Variants in PREPL observed in about 807,000 individuals in gnomAD.
PREPL encodes the protein prolyl endopeptidase like, also known as prolyl endopeptidase-like.
Under a neutral mutation model 70.6 loss-of-function variants are expected in PREPL, and 77 were observed. The observed-to-expected ratio is 1.09, with a 90% CI of 0.91 to 1.32. The LOEUF (loss-of-function observed/expected upper bound fraction) is 1.32. Among genes scored for constraint, PREPL ranks in the 40% most tolerant of loss-of-function variants. PREPL has a pLI of 0.00. For synonymous variants in PREPL, 315 were observed against 264.8 expected, an observed-to-expected ratio of 1.19 and a Z score of -1.84; for missense variants, 1,002 against 778.2, an observed-to-expected ratio of 1.29 and a Z score of -3.42.
chr2:44,327,009 G>A lies in PREPL; in HGVS notation c.1263-81C>T, dbSNP rs977407671. The A allele has an allele frequency of 2.4e-6, 3 of 1,224,534 alleles. No homozygotes were observed. In the African/African-American group the frequency reaches 4.5e-5, roughly 19 times the overall value. The allele number at this position is 1,224,534 out of a possible 1,614,324, so 75.9% of individuals were successfully genotyped here. A position where few individuals can be genotyped will look rare whatever the true frequency, so the allele number is the denominator to read the frequency against. ...TGGGGTCAGCGAACTACACCTGGAG[G>A]CCTGTTTTTTGTGTGGCCCTGGAGC... On this transcript the variant is annotated intron_variant, in intron 9 of 13. Coordinates refer to ENST00000409411, the MANE Select transcript of PREPL (RefSeq NM_001171613.2).
At chr2:44,346,735 G>A (rs1359619280) in intron 1 of PREPL, among the ~76,000 whole-genome samples, 1 of 151,900 alleles carries the variant, frequency 6.6e-6, no homozygotes, top group Non-Finnish European at 1.5e-5. Flanking sequence ...AAAATTCCAT[G>A]AACTTTTACA....
chr2:44,327,364 G>A (rs989062944), intron 9 of PREPL, among the ~76,000 whole-genome samples: 1 of 152,172 alleles, frequency 6.6e-6, no homozygotes, highest in South Asian at 2.1e-4. Flanking sequence ...AGGTATTACA[G>A]GAGCAGAGGA....
At chr2:44,330,641 G>GA (rs1300236988) in intron 8 of PREPL, among the ~76,000 whole-genome samples, 2 of 152,034 alleles carry the variant, frequency 1.3e-5, no homozygotes, top group Non-Finnish European at 2.9e-5. Context: ...GATTGTCAGA[G>GA]AAAAATAAAT....
Position 44,320,629 on chromosome 2 carries a change from C to A in PREPL, c.*727G>T. 1 of 1,613,404 alleles carries A rather than the reference C, an allele frequency of 6.2e-7. No homozygotes were observed. The highest frequency in any genetic ancestry group is 8.5e-7 in the Non-Finnish European group (1 of 1,179,454). ...TCCAGTGTACTGAACATACTGTATA[C>A]CTCGTGTTAGGCACCTTTATGAAGA... On this transcript the variant is annotated 3_prime_UTR_variant, in exon 14 of 14. Transcript: ENST00000409411.
rs936625485 is a variant in PREPL, at chr2:44,336,683, TA to T, written c.888+1667del. 7.3e-5 allele frequency among the ~76,000 whole-genome samples: 11 copies of T among 150,682 alleles called. No homozygotes were observed. The East Asian group carries it at 1.4e-3, about 19-fold the overall frequency. ...CACATGTACCCCTGAAAGTAAAAGT[TA>T]AAAAAAAAGAAATGCTATCTAAAAT... is the stretch of plus-strand genomic sequence containing the variant. On this transcript the variant is annotated intron_variant, in intron 7 of 13. Coordinates refer to ENST00000409411, the MANE Select transcript of PREPL (RefSeq NM_001171613.2).
At chr2:44,338,883 A>G (rs1674918165) in intron 6 of PREPL, among the ~76,000 whole-genome samples, 1 of 152,208 alleles carries the variant, frequency 6.6e-6, no homozygotes, top group Non-Finnish European at 1.5e-5. Context: ...TAAAATCACG[A>G]GTTTGTAAGT....
In PREPL at chr2:44,323,242, A is replaced by G; in HGVS notation, c.1629+20T>C. 1.3e-6 allele frequency: 2 copies of G among 1,570,772 alleles called. No homozygotes were observed. Among genetic ancestry groups the G allele is most frequent in the Non-Finnish European group, 1.7e-6 (2 of 1,159,498 alleles). On this transcript the variant is annotated intron_variant, in intron 11 of 13. Transcript: ENST00000409411. ...TTCTGTGTAAATTCAGGATAATCTA[A>G]CACAATTGTCTTTCACTACCTGAGG...
Position 44,320,940 on chromosome 2 carries a change from T to C in PREPL, c.*416A>G. ...TAACGAATTTTAAGGGGAAGAATTT[T>C]ATCTTTTCCCTTAAAATGCAGTCAT... On this transcript the variant is annotated 3_prime_UTR_variant, in exon 14 of 14. Transcript: ENST00000409411. 2 of 425,278 alleles carry C rather than the reference T, an allele frequency of 4.7e-6. No homozygotes were observed. Among genetic ancestry groups the C allele is most frequent in the South Asian group, 5.0e-5 (2 of 39,750 alleles). The allele number at this position is 425,278 out of a possible 1,614,324, so 26.3% of individuals were successfully genotyped here.
At chr2:44,351,886 T>A (rs1008136894) in intron 1 of PREPL, among the ~76,000 whole-genome samples, 1 of 152,346 alleles carries the variant, frequency 6.6e-6, no homozygotes, top group Non-Finnish European at 1.5e-5. Context: ...TGGTTTCCCA[T>A]CTTGCTCAAG....
Position 44,338,400 on chromosome 2 carries a change from A to G in PREPL, c.839T>C (p.Leu280Pro), listed in dbSNP as rs1572880993. The stretch of plus-strand genomic sequence containing the variant: ...AGCCAGACCAATCACATTAACATAA[A>G]GGAGATTGCTGTGCTTCAGAAATAG... The part of the protein sequence containing the change: ...CVLFLKHSNL[L>P]YVNVIGLADD... Residue 280 changes from leucine (L) to proline (P), a missense_variant, in exon 7 of 14, where the codon CTT becomes CCT. By Grantham distance (98) the Leu-to-Pro change is moderately conservative (BLOSUM62 -3). Transcript: ENST00000409411. 5 of 1,613,546 alleles carry G rather than the reference A, an allele frequency of 3.1e-6. No individual in the cohort carries two copies. The East Asian group carries it at 1.1e-4, about 36-fold the overall frequency.
intron 9 of PREPL, among the ~76,000 whole-genome samples, chr2:44,327,964 A>G (rs1673689773): frequency 6.6e-6 from 1 of 151,990 alleles, no homozygotes; most frequent in African/African-American, 2.4e-5. Context: ...AGCCTGGGCA[A>G]CATTGGAAAA....
chr2:44,361,789 T>C (rs1677854892), upstream of PREPL: 3 of 819,644 alleles, frequency 3.7e-6, no homozygotes, highest in East Asian at 1.0e-4. Context: ...TCACTCAAGA[T>C]GGCTACCAGC....
At position 44,343,746 on chromosome 2, in the gene PREPL, A is replaced by T. The variant is rs768746948; in HGVS notation, c.348T>A (p.Phe116Leu). ...GGACTATTTTGGTTGGTGGCTTACC[A>T]AAACTGGACACATTCGGGAAAGAAG... ...MEASFPNVSS[F>L]EWVKDEEDED... Residue 116 changes from phenylalanine (F) to leucine (L), a missense_variant and splice_region_variant, in exon 4 of 14, where the codon TTT becomes TTA. Coordinates refer to ENST00000409411, the MANE Select transcript of PREPL (RefSeq NM_001171613.2). 6.2e-7 allele frequency: 1 copy of T among 1,612,768 alleles called. No homozygotes were observed. The highest frequency in any genetic ancestry group is 8.5e-7 in the Non-Finnish European group (1 of 1,178,788).
chr2:44,323,478 T>C, intron 10 of PREPL, 67 bp from the exon 11 acceptor site: 1 of 1,316,906 alleles, frequency 7.6e-7, no homozygotes, highest in Non-Finnish European at 1.0e-6. Context: ...AGAAAAACAT[T>C]CTATTTTATG....
At chr2:44,342,270 T>G (rs1675306407) in intron 5 of PREPL, 147 bp downstream of exon 5, 1 of 656,426 alleles carries the variant, frequency 1.5e-6, no homozygotes, top group South Asian at 3.7e-5. Context: ...CAATTTTGAA[T>G]ACAAACAACT....
At chr2:44,338,609 T>C (rs1262978233) in intron 6 of PREPL, 73 bp from the exon 7 acceptor site, 9 of 1,236,802 alleles carry the variant, frequency 7.3e-6, no homozygotes, top group Admixed American at 2.3e-5. Flanking sequence ...ATGCAATCAC[T>C]GAGAACTAGA....
intron 1 of PREPL, among the ~76,000 whole-genome samples, chr2:44,356,539 C>T (rs1011955530): frequency 9.1e-5 from 10 of 109,654 alleles, no homozygotes; most frequent in South Asian, 3.1e-4. Context: ...AGCAAGACTC[C>T]GTCTCAAACA....
chr2:44,335,000 T>C (rs564301189), intron 7 of PREPL, among the ~76,000 whole-genome samples: 20 of 152,360 alleles, frequency 1.3e-4, no homozygotes, highest in South Asian at 6.2e-4. Flanking sequence ...TGTATATTAA[T>C]TAATATTATT....
intron 1 of PREPL, among the ~76,000 whole-genome samples, chr2:44,354,904 G>A (rs1034550936): frequency 1.3e-5 from 2 of 152,146 alleles, no homozygotes; most frequent in Non-Finnish European, 2.9e-5. Context: ...CTGAATATCA[G>A]TAAGATTACA....
Sources: gnomAD v4.1 joint callset for allele counts (sites outside exome capture counted in the v4.1 genomes callset) on GRCh38, gnomAD v4.1.1 for gene constraint, MANE v1.5 for transcripts, NCBI Gene and HGNC (gene_info 2026-07-23, HGNC 2026-07-21) for gene names.